XKR9: variants seen among roughly 807,000 people sequenced by gnomAD.
XKR9 encodes the protein XK related 9, also known as XK-related protein 9.
XKR9 carries 32 observed loss-of-function variants against 32.0 expected under a neutral mutation model. The observed-to-expected ratio is 1.00, with a 90% CI of 0.76 to 1.34. XKR9 has a LOEUF of 1.34. XKR9 is among the 40% of genes most tolerant of loss of function. The probability of loss-of-function intolerance (pLI) is 0.00; values close to 1 mark genes in which losing one functional copy is unlikely to be tolerated. For synonymous variants in XKR9, 168 were observed against 143.4 expected (o/e 1.17, Z -1.22); for missense variants, 546 against 429.7 (o/e 1.27, Z -2.39).
chr8:70,792,747 A>G (rs1807780310), downstream of XKR9, among the ~76,000 whole-genome samples: 1 of 152,114 alleles, frequency 6.6e-6, no homozygotes, highest in African/African-American at 2.4e-5. Context: ...AAAAGTTGCA[A>G]AGAAGAAAAA....
chr8:70,948,669 C>A, the XKR9 span, among the ~76,000 whole-genome samples: 199 of 152,314 alleles, frequency 1.3e-3, no homozygotes, highest in African/African-American at 4.6e-3. Context: ...GATCTTTATT[C>A]TCCTGGAAGG....
chr8:70,741,131 G>A (rs1260406833), intron 2 of XKR9, among the ~76,000 whole-genome samples: 2 of 152,264 alleles, frequency 1.3e-5, no homozygotes, highest in Non-Finnish European at 2.9e-5. Context: ...CCCAGTTCGA[G>A]CATCTGGGCT....
At chr8:70,743,337 C>A (rs747165569) in intron 2 of XKR9, among the ~76,000 whole-genome samples, 1 of 151,916 alleles carries the variant, frequency 6.6e-6, no homozygotes, top group Non-Finnish European at 1.5e-5. Flanking sequence ...TTTAAAATAG[C>A]TGCTTTAAAA....
the XKR9 span, among the ~76,000 whole-genome samples, chr8:70,877,391 A>G: frequency 6.6e-6 from 1 of 152,170 alleles, no homozygotes; most frequent in African/African-American, 2.4e-5. Flanking sequence ...AACCTTCATA[A>G]CAAACCTAAG....
the XKR9 span, among the ~76,000 whole-genome samples, chr8:70,812,053 G>T: frequency 6.6e-6 from 1 of 152,050 alleles, no homozygotes; most frequent in East Asian, 1.9e-4. Flanking sequence ...TAAAATACTG[G>T]CAAACCGAAT....
the XKR9 span, among the ~76,000 whole-genome samples, chr8:70,834,749 T>C: frequency 6.6e-6 from 1 of 152,160 alleles, no homozygotes; most frequent in Non-Finnish European, 1.5e-5. Context: ...GGTTACACAA[T>C]GAAGTAGAGT....
intron 3 of XKR9, among the ~76,000 whole-genome samples, chr8:70,694,818 CAGGAGTCTAACAT>C (rs1805203064): frequency 6.6e-6 from 1 of 152,206 alleles, no homozygotes; most frequent in Non-Finnish European, 1.5e-5. Flanking sequence ...GGGGTATGTA[CAGGAGTCTAACAT>C]CCTACTTTGC....
the XKR9 span, among the ~76,000 whole-genome samples, chr8:70,906,031 C>T: frequency 4.1e-4 from 63 of 152,288 alleles, no homozygotes; most frequent in Non-Finnish European, 5.4e-4. Flanking sequence ...AGGTGTCAGT[C>T]GGCCACTACT....
chr8:70,755,230 A>G (rs1480441133), intron 2 of XKR9, among the ~76,000 whole-genome samples: 1 of 152,214 alleles, frequency 6.6e-6, no homozygotes, highest in East Asian at 1.9e-4. Context: ...CACCACTTAG[A>G]GTGGCAATCA....
downstream of XKR9, among the ~76,000 whole-genome samples, chr8:70,740,935 A>C (rs535313023): frequency 6.6e-6 from 1 of 152,300 alleles, no homozygotes; most frequent in Admixed American, 6.5e-5. Context: ...CCACTTGAGG[A>C]GGCAGTCTGC....
the XKR9 span, among the ~76,000 whole-genome samples, chr8:70,914,377 AGTT>A: frequency 4.5e-4 from 69 of 152,324 alleles, no homozygotes; most frequent in Admixed American, 8.5e-4. Flanking sequence ...TGTGAATTTC[AGTT>A]GTTTTGTGTA....
chr8:71,064,403 T>A, the XKR9 span, among the ~76,000 whole-genome samples: 2 of 152,318 alleles, frequency 1.3e-5, no homozygotes, highest in Non-Finnish European at 2.9e-5. Context: ...TATTGAGTTT[T>A]TATGTTTATG....
chr8:70,995,197 A>T, the XKR9 span, among the ~76,000 whole-genome samples: 1 of 152,202 alleles, frequency 6.6e-6, no homozygotes, highest in Non-Finnish European at 1.5e-5. Context: ...AAGGAAGCAA[A>T]TAAAACTTAA....
intron 4 of XKR9, among the ~76,000 whole-genome samples, chr8:70,711,333 A>G (rs1401879679): frequency 1.3e-5 from 2 of 152,214 alleles, no homozygotes; most frequent in Non-Finnish European, 2.9e-5. Flanking sequence ...GCAGATGTTC[A>G]TTGCAGCACT....
At chr8:70,963,875 G>T in the XKR9 span, among the ~76,000 whole-genome samples, 1 of 152,120 alleles carries the variant, frequency 6.6e-6, no homozygotes. Context: ...TTAGACCTTT[G>T]TCAGATGAAT....
At chr8:71,011,649 A>T in the XKR9 span, among the ~76,000 whole-genome samples, 3 of 152,254 alleles carry the variant, frequency 2.0e-5, no homozygotes, top group Non-Finnish European at 4.4e-5. Flanking sequence ...GAAAGAATTT[A>T]CATTGGAATT....
the XKR9 span, among the ~76,000 whole-genome samples, chr8:70,866,330 C>T: frequency 1.4e-4 from 21 of 152,288 alleles, no homozygotes; most frequent in Non-Finnish European, 2.9e-4. Context: ...TAGTGACTCC[C>T]TGTTGAATCC....
In XKR9 at chr8:70,672,124, C is replaced by T. The variant is rs1225561537; in HGVS notation, c.-361+2586C>T. On this transcript the variant is annotated intron_variant, in intron 1 of 4. Transcript: ENST00000408926. ...GCTCATGGGTAGGAAGAATCAATAT[C>T]GTGAAAATGGCCATACTGCCCAAGG... Among the ~76,000 whole-genome samples the T allele has an allele frequency of 3.6e-4, 20 of 55,534 alleles. 4 individuals carry two copies. Among genetic ancestry groups the T allele is most frequent in the Admixed American group, 1.0e-3 (6 of 5,802 alleles). The allele number at this position is 55,534 out of a possible 152,430, so 36.4% of individuals were successfully genotyped here. A position where few individuals can be genotyped will look rare whatever the true frequency, so the allele number is the denominator to read the frequency against.
At chr8:70,952,310 C>A in the XKR9 span, among the ~76,000 whole-genome samples, 5 of 152,146 alleles carry the variant, frequency 3.3e-5, no homozygotes, top group Admixed American at 1.3e-4. Flanking sequence ...CTGGAAGTAT[C>A]ACTATCATTT....
Sources: gnomAD v4.1 joint callset for allele counts (sites outside exome capture counted in the v4.1 genomes callset) on GRCh38, gnomAD v4.1.1 for gene constraint, MANE v1.5 for transcripts, NCBI Gene and HGNC (gene_info 2026-07-23, HGNC 2026-07-21) for gene names.